The following KLF12 variants were observed in gnomAD, a reference collection of about 807,000 sequenced individuals.
The protein encoded by KLF12 is KLF transcription factor 12, also known as Krueppel-like factor 12.
A neutral mutation model predicts 37.8 loss-of-function variants in KLF12; 9 were observed. That is an observed-to-expected ratio of 0.24 (90% CI 0.14 to 0.42). The LOEUF (loss-of-function observed/expected upper bound fraction) is 0.42. KLF12 is among the 10% of genes least tolerant of loss of function. KLF12 has a pLI of 1.00. For synonymous variants in KLF12, 208 were observed against 202.1 expected, an observed-to-expected ratio of 1.03 and a Z score of -0.25; for missense variants, 411 against 516.0, an observed-to-expected ratio of 0.80 and a Z score of 1.97.
intron 4 of KLF12, among the ~76,000 whole-genome samples, chr13:73,839,458 A>C (rs562659690): frequency 2.0e-5 from 3 of 152,216 alleles, no homozygotes; most frequent in African/African-American, 7.2e-5. Flanking sequence ...TTAATGTTTA[A>C]ATGTAAAAAA....
the KLF12 span, among the ~76,000 whole-genome samples, chr13:74,152,036 G>T: frequency 6.9e-4 from 105 of 152,306 alleles, 1 homozygote; most frequent in African/African-American, 2.5e-3. Flanking sequence ...ATTTCTGGCA[G>T]TATTTTCCAA....
intron 1 of KLF12, among the ~76,000 whole-genome samples, chr13:74,081,071 G>C (rs186477813): frequency 5.3e-4 from 81 of 152,312 alleles, no homozygotes; most frequent in Admixed American, 2.6e-3. Flanking sequence ...TGACCAACCA[G>C]TACCAACCCT....
rs147427310 is a variant in KLF12 at position 73,822,105 on chromosome 13, C to A, written c.671-8818G>T. Among the ~76,000 whole-genome samples, 576 of 152,252 alleles carry A rather than the reference C, an allele frequency of 3.8e-3. 4 individuals carry two copies. Among genetic ancestry groups the A allele is most frequent in the African/African-American group, 0.013 (560 of 41,534 alleles). ...TCTACTGAAAATGATCACAGTAATTCCCAGCTGATGAGAGATTCTGCAATA... is the reference window on the plus strand; with the variant it reads ...TCTACTGAAAATGATCACAGTAATTACCAGCTGATGAGAGATTCTGCAATA... On this transcript the variant is annotated intron_variant, in intron 4 of 7. Transcript: ENST00000377669.
the KLF12 span, among the ~76,000 whole-genome samples, chr13:74,221,403 T>C: frequency 6.6e-6 from 1 of 152,194 alleles, no homozygotes. Flanking sequence ...TTTTTTTTTC[T>C]TTTGAGTCCC....
intron 3 of KLF12, among the ~76,000 whole-genome samples, chr13:73,920,743 G>A (rs1294165966): frequency 6.6e-6 from 1 of 151,908 alleles, no homozygotes; most frequent in Non-Finnish European, 1.5e-5. Flanking sequence ...CCTCCCTCAA[G>A]AGTCATCTCT....
intron 1 of KLF12, among the ~76,000 whole-genome samples, chr13:74,115,014 C>A (rs544807308): frequency 6.6e-6 from 1 of 152,050 alleles, no homozygotes; most frequent in Non-Finnish European, 1.5e-5. Context: ...AAGGTAGAAA[C>A]CATTCCCACT....
chr13:74,075,174 G>C (rs1301009207), intron 1 of KLF12, among the ~76,000 whole-genome samples: 1 of 152,212 alleles, frequency 6.6e-6, no homozygotes, highest in Non-Finnish European at 1.5e-5. Context: ...AATTTACTAA[G>C]CACTGAGGAT....
chr13:73,958,926 T>A (rs1890932070), intron 2 of KLF12, among the ~76,000 whole-genome samples: 1 of 151,856 alleles, frequency 6.6e-6, no homozygotes, highest in South Asian at 2.1e-4. Context: ...ACGAAGGTGA[T>A]CTCATCTGCT....
chr13:74,148,876 A>C, the KLF12 span, among the ~76,000 whole-genome samples: 1 of 149,832 alleles, frequency 6.7e-6, no homozygotes, highest in Non-Finnish European at 1.5e-5. Flanking sequence ...GTGCAGGGGC[A>C]TGACCTCGGC....
At chr13:74,241,389 G>T in the KLF12 span, among the ~76,000 whole-genome samples, 57 of 152,222 alleles carry the variant, frequency 3.7e-4, no homozygotes, top group Non-Finnish European at 7.4e-4. Context: ...GGTTACTGCT[G>T]TCTTTTTGTT....
chr13:74,278,904 T>C, the KLF12 span, among the ~76,000 whole-genome samples: 1 of 152,180 alleles, frequency 6.6e-6, no homozygotes, highest in Admixed American at 6.5e-5. Flanking sequence ...GAATGTTGAT[T>C]CTCTGGCTCC....
chr13:74,136,284 C>T (rs1177400669), upstream of KLF12, among the ~76,000 whole-genome samples: 1 of 152,142 alleles, frequency 6.6e-6, no homozygotes, highest in Non-Finnish European at 1.5e-5. Context: ...AATGCAGCCG[C>T]AACTCCCACT....
chr13:74,190,132 T>C, the KLF12 span, among the ~76,000 whole-genome samples: 412 of 152,328 alleles, frequency 2.7e-3, 1 homozygote, highest in African/African-American at 9.5e-3. Flanking sequence ...GTCAAAAGTA[T>C]GTACATTAGT....
At chr13:73,778,058 C>T (rs553438239) in intron 5 of KLF12, among the ~76,000 whole-genome samples, 9 of 150,680 alleles carry the variant, frequency 6.0e-5, no homozygotes, top group East Asian at 5.9e-4. Context: ...CGCTTGAACT[C>T]GGGAGGCAGA....
the KLF12 span, among the ~76,000 whole-genome samples, chr13:74,175,705 A>G: frequency 6.6e-6 from 1 of 152,144 alleles, no homozygotes; most frequent in Non-Finnish European, 1.5e-5. Flanking sequence ...TTTATGAGAG[A>G]CACCAAGACA....
Position 74,049,442 on chromosome 13 carries a change from T to C in KLF12, c.-31-54389A>G, listed in dbSNP as rs75060336. ...TGACTCTGCTGAGAAGAGCACAGAC[T>C]AGCTCAGAGCTTTCAGGAAGCTGCT... is the stretch of plus-strand genomic sequence containing the variant. On this transcript the variant is annotated intron_variant, in intron 1 of 7. Transcript: ENST00000377669. Among the ~76,000 whole-genome samples, 239 of 152,292 alleles carry C rather than the reference T, an allele frequency of 1.6e-3. 1 individual carries two copies. In the East Asian group the frequency reaches 0.039, roughly 25 times the overall value.
the KLF12 span, among the ~76,000 whole-genome samples, chr13:74,148,660 A>G: frequency 6.6e-6 from 1 of 152,006 alleles, no homozygotes; most frequent in Non-Finnish European, 1.5e-5. Context: ...CAACCCTGAT[A>G]GTTAAAGAGA....
intron 5 of KLF12, among the ~76,000 whole-genome samples, chr13:73,778,438 C>CA (rs1880761213): frequency 6.6e-6 from 1 of 152,182 alleles, no homozygotes; most frequent in South Asian, 2.1e-4. Context: ...CACGGCTCTG[C>CA]AGCCTTGACC....
At chr13:74,057,257 T>C (rs924496747) in intron 1 of KLF12, among the ~76,000 whole-genome samples, 1 of 152,224 alleles carries the variant, frequency 6.6e-6, no homozygotes, top group African/African-American at 2.4e-5. Flanking sequence ...AAGGGCTGTG[T>C]TCCTGTGTGG....
Sources: allele counts gnomAD v4.1 joint callset (sites outside exome capture counted in the v4.1 genomes callset), GRCh38; gene constraint gnomAD v4.1.1; transcripts MANE v1.5; gene names NCBI Gene and HGNC (gene_info 2026-07-23, HGNC 2026-07-21).